GRIN2B: variants seen among roughly 807,000 people sequenced by gnomAD.
GRIN2B encodes the protein glutamate receptor ionotropic, NMDA 2B.
Under a neutral mutation model 114.5 loss-of-function variants are expected in GRIN2B, and 5 were observed. That is an observed-to-expected ratio of 0.04 (90% confidence interval 0.02 to 0.09). The LOEUF (loss-of-function observed/expected upper bound fraction) is 0.09. Ranked by LOEUF, GRIN2B falls within the 10% of genes least tolerant of loss-of-function variation. GRIN2B has a pLI of 1.00. For missense variants in GRIN2B, 1,108 were observed against 1,943.5 expected (o/e 0.57, Z 8.08); for synonymous variants, 787 against 745.1 (o/e 1.06, Z -0.92).
In GRIN2B at chr12:13,885,120, G is replaced by T. The variant is rs1591602336; in HGVS notation, c.-18-18894C>A. ...GATGAGGGGTAAAACACAGTAAGATGTGAAAAAAGTTGGAGAGGAAAATTG... is the reference window on the plus strand; with the variant it reads ...GATGAGGGGTAAAACACAGTAAGATTTGAAAAAAGTTGGAGAGGAAAATTG... On this transcript the variant is annotated intron_variant, in intron 2 of 13. Transcript: ENST00000609686. Among the ~76,000 whole-genome samples the T allele has an allele frequency of 2.0e-5, 3 of 152,172 alleles. No individual in the cohort carries two copies. The East Asian group carries it at 5.8e-4, about 29-fold the overall frequency.
intron 10 of GRIN2B, among the ~76,000 whole-genome samples, chr12:13,593,324 A>G (rs1185022791): frequency 2.0e-5 from 3 of 152,244 alleles, no homozygotes; most frequent in South Asian, 4.1e-4. Flanking sequence ...CAAAAACAGC[A>G]TGGTACTGGT....
intron 5 of GRIN2B, among the ~76,000 whole-genome samples, chr12:13,670,639 A>G (rs1338477974): frequency 6.6e-6 from 1 of 152,116 alleles, no homozygotes; most frequent in Non-Finnish European, 1.5e-5. Context: ...TTTTAAAGCA[A>G]GTTTATGCAG....
At chr12:13,770,411 A>G (rs1232375889) in intron 3 of GRIN2B, among the ~76,000 whole-genome samples, 1 of 152,248 alleles carries the variant, frequency 6.6e-6, no homozygotes, top group Non-Finnish European at 1.5e-5. Flanking sequence ...TTTACCCTAT[A>G]TCAGAATAAG....
At chr12:13,785,010 C>A (rs1441889696) in intron 3 of GRIN2B, among the ~76,000 whole-genome samples, 2 of 152,222 alleles carry the variant, frequency 1.3e-5, no homozygotes, top group Non-Finnish European at 2.9e-5. Context: ...CTAACACACC[C>A]CACAAAATGT....
At chr12:13,748,426 T>G (rs1863426316) in intron 4 of GRIN2B, among the ~76,000 whole-genome samples, 1 of 152,138 alleles carries the variant, frequency 6.6e-6, no homozygotes. Context: ...CACTAACTGC[T>G]CCTTGGAGAA....
intron 4 of GRIN2B, among the ~76,000 whole-genome samples, chr12:13,710,460 G>T (rs576183276): frequency 1.5e-4 from 23 of 152,096 alleles, no homozygotes; most frequent in African/African-American, 5.6e-4. Flanking sequence ...CAGATGACAC[G>T]ATTGTATGTC....
At chr12:13,713,292 G>A (rs2136583707) in intron 4 of GRIN2B, among the ~76,000 whole-genome samples, 1 of 151,884 alleles carries the variant, frequency 6.6e-6, no homozygotes, top group Non-Finnish European at 1.5e-5. Flanking sequence ...CACTGATGAT[G>A]TCATTCCACC....
chr12:13,932,325 C>G (rs1003812068), intron 2 of GRIN2B, among the ~76,000 whole-genome samples: 1 of 152,126 alleles, frequency 6.6e-6, no homozygotes, highest in African/African-American at 2.4e-5. Flanking sequence ...CCAAAAGAAC[C>G]CTAAACTCTC....
chr12:13,885,667 C>T (rs1420181203), intron 2 of GRIN2B, among the ~76,000 whole-genome samples: 1 of 152,120 alleles, frequency 6.6e-6, no homozygotes. Flanking sequence ...CTTAACAAGG[C>T]TTTTATGTAT....
chr12:13,602,226 T>C (rs561946417), intron 10 of GRIN2B, among the ~76,000 whole-genome samples: 1 of 152,054 alleles, frequency 6.6e-6, no homozygotes, highest in Non-Finnish European at 1.5e-5. Flanking sequence ...GATCAGTAGC[T>C]CCAAGAAGAA....
intron 2 of GRIN2B, among the ~76,000 whole-genome samples, chr12:13,934,065 C>T (rs574755979): frequency 2.0e-5 from 3 of 152,342 alleles, no homozygotes; most frequent in East Asian, 1.9e-4. Flanking sequence ...TCTATTTCTG[C>T]TGTTTTCTGT....
At chr12:13,844,789 C>A (rs1865442410) in intron 3 of GRIN2B, among the ~76,000 whole-genome samples, 1 of 152,136 alleles carries the variant, frequency 6.6e-6, no homozygotes, top group Admixed American at 6.6e-5. Context: ...CCATACTGCA[C>A]AATCGTTATG....
At chr12:13,846,938 G>C (rs2045832736) in intron 3 of GRIN2B, among the ~76,000 whole-genome samples, 3 of 152,084 alleles carry the variant, frequency 2.0e-5, no homozygotes, top group Admixed American at 2.0e-4. Flanking sequence ...GAGCGAGAGA[G>C]AAAGAGAAAG....
At chr12:13,825,669 A>G (rs1865023177) in intron 3 of GRIN2B, among the ~76,000 whole-genome samples, 1 of 151,466 alleles carries the variant, frequency 6.6e-6, no homozygotes, top group Non-Finnish European at 1.5e-5. Context: ...GGCATACACT[A>G]CCACGCCCAG....
At chr12:13,711,131 G>A (rs189353446) in intron 4 of GRIN2B, among the ~76,000 whole-genome samples, 4,462 of 152,134 alleles carry the variant, frequency 0.029, 170 homozygotes, top group African/African-American at 0.086. Context: ...ATGGAGAAAC[G>A]ATTCCCTATT....
intron 3 of GRIN2B, among the ~76,000 whole-genome samples, chr12:13,786,153 C>T (rs2136660031): frequency 6.6e-6 from 1 of 152,258 alleles, no homozygotes; most frequent in Admixed American, 6.5e-5. Flanking sequence ...GTAAAGAACG[C>T]CTCGACTAAA....
intron 2 of GRIN2B, among the ~76,000 whole-genome samples, chr12:13,896,163 C>G (rs1446830936): frequency 6.6e-6 from 1 of 152,134 alleles, no homozygotes; most frequent in Non-Finnish European, 1.5e-5. Flanking sequence ...ACAGAAGGCT[C>G]TACCAACGAG....
At chr12:13,676,332 ACC>A (rs1234040036) in intron 4 of GRIN2B, among the ~76,000 whole-genome samples, 1 of 152,134 alleles carries the variant, frequency 6.6e-6, no homozygotes, top group Non-Finnish European at 1.5e-5. Context: ...CTGCACATGT[ACC>A]CCAGAACTTA....
chr12:13,719,680 C>T (rs1245397630), intron 4 of GRIN2B, among the ~76,000 whole-genome samples: 1 of 152,076 alleles, frequency 6.6e-6, no homozygotes, highest in Non-Finnish European at 1.5e-5. Flanking sequence ...CACATAGCTA[C>T]TTTTTGCATC....
Sources: gnomAD v4.1 joint callset for allele counts (sites outside exome capture counted in the v4.1 genomes callset) on GRCh38, gnomAD v4.1.1 for gene constraint, MANE v1.5 for transcripts, NCBI Gene and HGNC (gene_info 2026-07-23, HGNC 2026-07-21) for gene names.